Variants in ZBTB4 observed in about 807,000 individuals in gnomAD.
ZBTB4 encodes the protein zinc finger and BTB domain-containing protein 4.
In ZBTB4, 14 loss-of-function variants were observed where a neutral mutation model predicts 59.8. That is an observed-to-expected ratio of 0.23 (90% CI 0.15 to 0.37). The LOEUF (loss-of-function observed/expected upper bound fraction) is 0.37, where lower values mean the gene tolerates loss of function less well. Among genes scored for constraint, ZBTB4 ranks in the 10% least tolerant of loss-of-function variants. ZBTB4 has a pLI of 1.00. For missense variants in ZBTB4, 1,198 were observed against 1,380.8 expected (o/e 0.87, Z 2.10); for synonymous variants, 587 against 575.2 (o/e 1.02, Z -0.29).
chr17:7,475,796 C>T (rs1489259801), intron 1 of ZBTB4, among the ~76,000 whole-genome samples: 4 of 152,130 alleles, frequency 2.6e-5, no homozygotes, highest in Middle Eastern at 3.2e-3. Flanking sequence ...ATACCTTACT[C>T]GAGGTCGCAC....
intron 1 of ZBTB4, among the ~76,000 whole-genome samples, chr17:7,478,897 C>A (rs567888269): frequency 1.1e-4 from 16 of 152,194 alleles, no homozygotes; most frequent in Non-Finnish European, 2.1e-4. Flanking sequence ...CTTGCCCCAC[C>A]ACACAGCACA....
chr17:7,479,173 G>A (rs1213341029), intron 1 of ZBTB4, among the ~76,000 whole-genome samples: 1 of 152,118 alleles, frequency 6.6e-6, no homozygotes, highest in Admixed American at 6.5e-5. Context: ...CTTCAAAGAG[G>A]GAGTGAGCAC....
rs144607759 is a variant in ZBTB4 at position 7,462,798 on chromosome 17, G to A, written c.2184C>T (p.Cys728=). 12,711 of 1,602,468 alleles carry A rather than the reference G, an allele frequency of 7.9e-3. 100 individuals carry two copies. Among genetic ancestry groups the A allele is most frequent in the Non-Finnish European group, 7.8e-3 (9,242 of 1,179,822 alleles). The change falls in exon 4 of 4, where the codon TGC becomes TGT. Residue 728 remains cysteine, a synonymous_variant. Transcript: ENST00000380599. This position sits in a 1 kb window ranked among gnomAD's most constrained non-coding sequence, Gnocchi z 7.5. ...GRARTERRHR[C]GDCAQTFTTL... ...TGGTGAAGGTCTGGGCACAGTCCCCGCATCGGTGCCTCCGCTCTGTGCGGG... is the reference window on the plus strand; with the variant it reads ...TGGTGAAGGTCTGGGCACAGTCCCCACATCGGTGCCTCCGCTCTGTGCGGG...
In ZBTB4 at chr17:7,462,490, G is replaced by C; in HGVS notation, c.2492C>G (p.Ala831Gly). ...EMQVSSSSGEAGGGSTAAEEA... is the reference protein window; with the variant it reads ...EMQVSSSSGEGGGGSTAAEEA... ...CTCAGCAGCAGTGCTCCCGCCACCT[G>C]CCTCACCGCTGGATGAGGAGACTTG... Residue 831 changes from alanine to glycine, a missense_variant, in exon 4 of 4, where the codon GCA becomes GGA. Transcript: ENST00000380599. This position sits in a 1 kb window ranked among gnomAD's most constrained non-coding sequence, Gnocchi z 7.5. 6.2e-7 allele frequency: 1 copy of C among 1,613,944 alleles called. No homozygotes were observed. Among genetic ancestry groups the C allele is most frequent in the Non-Finnish European group, 8.5e-7 (1 of 1,180,014 alleles).
intron 1 of ZBTB4, among the ~76,000 whole-genome samples, chr17:7,475,174 T>C (rs985680066): frequency 1.1e-4 from 16 of 151,210 alleles, no homozygotes; most frequent in Non-Finnish European, 1.8e-4. Flanking sequence ...AAACTTGGTC[T>C]CTACTGAAAA....
chr17:7,465,666 G>A, intron 3 of ZBTB4, 45 bp downstream of exon 3: 1 of 1,552,296 alleles, frequency 6.4e-7, no homozygotes, highest in African/African-American at 1.4e-5. Context: ...TATGACCGCT[G>A]AGTGCCAGCC....
intron 3 of ZBTB4, 82 bp downstream of exon 3, chr17:7,465,629 A>G: frequency 6.7e-7 from 1 of 1,486,124 alleles, no homozygotes; most frequent in Non-Finnish European, 9.0e-7. Flanking sequence ...CTAGGCCCCA[A>G]GCCCCACCCA....
At chr17:7,480,006 A>G (rs1325676134), upstream of ZBTB4, among the ~76,000 whole-genome samples, 2 of 152,146 alleles carry the variant, frequency 1.3e-5, no homozygotes, top group Non-Finnish European at 2.9e-5. Flanking sequence ...CAGACTCATA[A>G]TCAGGCCCGG....
Position 7,461,910 on chromosome 17 carries a change from T to C in ZBTB4, c.*30A>G. 6.6e-7 allele frequency: 1 copy of C among 1,512,446 alleles called. No homozygotes were observed. Among genetic ancestry groups the C allele is most frequent in the Non-Finnish European group, 8.9e-7 (1 of 1,128,766 alleles). The allele number at this position is 1,512,446 out of a possible 1,614,324, so 93.7% of individuals were successfully genotyped here. A position where few individuals can be genotyped will look rare whatever the true frequency, so the allele number is the denominator to read the frequency against. ...GGTGGGGGGTTCAGGGAGGGTGGCA[T>C]CTGGTGAAAGGGGGATTGAGCCCCA... On this transcript the variant is annotated 3_prime_UTR_variant, in exon 4 of 4. Coordinates refer to ENST00000380599, the MANE Select transcript of ZBTB4 (RefSeq NM_001128833.2).
Position 7,463,474 on chromosome 17 carries a change from T to G in ZBTB4, c.1508A>C (p.Gln503Pro), listed in dbSNP as rs1197686064. 1.3e-6 allele frequency: 2 copies of G among 1,539,360 alleles called. No homozygotes were observed. The highest frequency in any genetic ancestry group is 4.6e-5 in the East Asian group (2 of 43,378). The change falls in exon 4 of 4, where the codon CAA becomes CCA. Residue 503 changes from glutamine (Q) to proline (P), a missense_variant. By Grantham distance (76) the Gln-to-Pro change is moderately conservative (BLOSUM62 -1). This residue lies in a region of ZBTB4 where 550 missense variants were observed against 541.8 expected (regional missense o/e 1.02). Transcript: ENST00000380599. The stretch of plus-strand genomic sequence containing the variant: ...AGTGTAAGTGATAACCGAGGCAGCT[T>G]GGGACCCTCCTGTGCTGGCCGTCCC... Reference protein sequence around the residue: ...GSGTASTGGSQAASVITYTAP... With the variant: ...GSGTASTGGSPAASVITYTAP...
chr17:7,464,191 A>G (rs1332986043), intron 3 of ZBTB4, among the ~76,000 whole-genome samples: 1 of 152,208 alleles, frequency 6.6e-6, no homozygotes, highest in Non-Finnish European at 1.5e-5. Flanking sequence ...ACGTGGAAAC[A>G]CAAGGCCCTG....
chr17:7,468,876 G>A (rs1453785611), intron 1 of ZBTB4, among the ~76,000 whole-genome samples: 3 of 152,192 alleles, frequency 2.0e-5, no homozygotes, highest in African/African-American at 7.2e-5. Flanking sequence ...GAAGAAGGAA[G>A]ATGGTAAACA....
intron 1 of ZBTB4, among the ~76,000 whole-genome samples, chr17:7,469,368 G>A (rs1481465762): frequency 1.3e-5 from 2 of 151,800 alleles, no homozygotes; most frequent in African/African-American, 2.4e-5. Context: ...GGGTTTCACC[G>A]TGTTAGCCAG....
Position 7,476,119 on chromosome 17 carries a change from C to T in ZBTB4, c.-81+3337G>A, listed in dbSNP as rs192066940. 2.6e-5 allele frequency among the ~76,000 whole-genome samples: 4 copies of T among 152,292 alleles called. No individual in the cohort carries two copies. The East Asian group carries it at 7.7e-4, about 29-fold the overall frequency. On this transcript the variant is annotated intron_variant, in intron 1 of 3. Transcript: ENST00000380599. Reference sequence around the variant, plus strand: ...ACACTCACGTGGTCCAAGGTTATGGCCTCCCAGCTATCCCCTGGCCTCCAG... The same window carrying T: ...ACACTCACGTGGTCCAAGGTTATGGTCTCCCAGCTATCCCCTGGCCTCCAG...
chr17:7,463,912 T>C, intron 3 of ZBTB4, 22 bp from the exon 4 acceptor site: 4 of 1,601,834 alleles, frequency 2.5e-6, no homozygotes, highest in Non-Finnish European at 3.4e-6. Flanking sequence ...CAGCAGGGAA[T>C]AGGGCAGGAA....
chr17:7,462,737 C>A lies in ZBTB4; in HGVS notation c.2245G>T (p.Gly749Cys). The change falls in exon 4 of 4, where the codon GGT (glycine) becomes TGT (cysteine). Residue 749 changes from glycine to cysteine, a missense_variant. Physicochemically the swap from Gly to Cys is radical, Grantham distance 159. Transcript: ENST00000380599. This position sits in a 1 kb window ranked among gnomAD's most constrained non-coding sequence, Gnocchi z 7.5. ...RKLRKHQEAH[G>C]GGSHSSRAGR... ...GCCCGGGAGCTGTGGGAGCCCCCACCGTGGGCCTCTTGGTGCTTCCGCAGC... is the reference window on the plus strand; with the variant it reads ...GCCCGGGAGCTGTGGGAGCCCCCACAGTGGGCCTCTTGGTGCTTCCGCAGC... The A allele has an allele frequency of 6.2e-7, 1 of 1,603,732 alleles. No individual in the cohort carries two copies. Among genetic ancestry groups the A allele is most frequent in the Non-Finnish European group, 8.5e-7 (1 of 1,179,808 alleles).
rs910781816 is a variant in ZBTB4, at chr17:7,463,026, C to T, written c.1956G>A (p.Glu652=). Reference sequence around the variant, plus strand: ...CCTCCCCACCAGCCTTTGATTCCTCCTCATCCTCCTCCTCCTCCTCTTCGT... The same window carrying T: ...CCTCCCCACCAGCCTTTGATTCCTCTTCATCCTCCTCCTCCTCCTCTTCGT... The part of the protein sequence containing the change: ...EEDEEEEEED[E]EESKAGGEDQ... The change falls in exon 4 of 4, where the codon GAG becomes GAA. Residue 652 remains glutamate (E), a synonymous_variant. Coordinates refer to ENST00000380599, the MANE Select transcript of ZBTB4 (RefSeq NM_001128833.2). 2.4e-5 allele frequency: 39 copies of T among 1,607,056 alleles called. No homozygotes were observed. The highest frequency in any genetic ancestry group is 3.1e-5 in the Non-Finnish European group (37 of 1,178,056).
rs71157290 is a variant in ZBTB4, at chr17:7,472,634, CTTTTTT to C, written c.-80-5313_-80-5308del. ...GAGTGAGCCACTGCACCTGGCCATT[CTTTTTT>C]TTTTTTTTTTTTTTTTTTTGAGATG... On this transcript the variant is annotated intron_variant, in intron 1 of 3. Transcript: ENST00000380599. 2.0e-3 allele frequency among the ~76,000 whole-genome samples: 144 copies of C among 72,940 alleles called. 1 individual carries two copies. The highest frequency in any genetic ancestry group is 7.9e-3 in the African/African-American group (134 of 16,902). The allele number at this position is 72,940 out of a possible 152,430, so 47.9% of individuals were successfully genotyped here. A position where few individuals can be genotyped will look rare whatever the true frequency, so the allele number is the denominator to read the frequency against.
chr17:7,465,419 G>A (rs2070104529), intron 3 of ZBTB4, among the ~76,000 whole-genome samples: 1 of 143,230 alleles, frequency 7.0e-6, no homozygotes, highest in Non-Finnish European at 1.5e-5. Context: ...AGCCGAGAAG[G>A]CACCACTGCA....
Sources: allele counts gnomAD v4.1 joint callset (sites outside exome capture counted in the v4.1 genomes callset), GRCh38; gene constraint gnomAD v4.1.1; regional missense constraint gnomAD v4.1.1; non-coding constraint Gnocchi (gnomAD v3.1); transcripts MANE v1.5; gene names NCBI Gene and HGNC (gene_info 2026-07-23, HGNC 2026-07-21).